ARHGEF26: variants seen among roughly 807,000 people sequenced by gnomAD.
ARHGEF26 encodes the protein Rho guanine nucleotide exchange factor (GEF) 26.
A neutral mutation model predicts 89.4 loss-of-function variants in ARHGEF26; 59 were observed. The observed-to-expected ratio is 0.66, with a 90% confidence interval of 0.54 to 0.82. The LOEUF is 0.82. Among genes scored for constraint, ARHGEF26 ranks in the 40% least tolerant of loss-of-function variants. ARHGEF26 has a pLI of 0.00. For missense variants in ARHGEF26, 1,234 were observed against 1,085.6 expected, an observed-to-expected ratio of 1.14 and a Z score of -1.92; for synonymous variants, 500 against 428.4, an observed-to-expected ratio of 1.17 and a Z score of -2.06.
At chr3:154,154,556 A>G (rs1713817) in intron 6 of ARHGEF26, among the ~76,000 whole-genome samples, 128,191 of 151,722 alleles carry the variant, frequency 0.84, 54,430 homozygotes, top group South Asian at 0.96. Context: ...TGTCCCCTCT[A>G]TCCTATTCTC....
At chr3:154,126,979 GTATC>G (rs1402431975) in intron 3 of ARHGEF26, among the ~76,000 whole-genome samples, 1 of 152,116 alleles carries the variant, frequency 6.6e-6, no homozygotes, top group Non-Finnish European at 1.5e-5. Context: ...TGATATTTGT[GTATC>G]TAAGCACAGG....
chr3:154,190,044 G>T (rs1713853045), intron 7 of ARHGEF26, among the ~76,000 whole-genome samples: 1 of 151,984 alleles, frequency 6.6e-6, no homozygotes, highest in Admixed American at 6.6e-5. Context: ...AAAAATGACT[G>T]CTATTGTCAC....
At position 154,256,240 on chromosome 3, in the gene ARHGEF26, T is replaced by C. The variant is rs13074879; in HGVS notation, c.*767T>C. The stretch of plus-strand genomic sequence containing the variant: ...AAACCTGAATATAGGACAGGGGTCC[T>C]ACTTTTTTCCCCACCTCTGTCGCCC... On this transcript the variant is annotated 3_prime_UTR_variant, in exon 15 of 15. Coordinates refer to ENST00000465093, the MANE Select transcript of ARHGEF26 (RefSeq NM_015595.4). 0.12 allele frequency: 118,516 copies of C among 985,076 alleles called. 8,880 individuals are homozygous for C. Among genetic ancestry groups the C allele is most frequent in the East Asian group, 0.38 (3,347 of 8,772 alleles). 61.0% of individuals were successfully genotyped at this position (985,076 alleles called of 1,614,324 possible).
intron 8 of ARHGEF26, among the ~76,000 whole-genome samples, chr3:154,191,739 A>C (rs1455374091): frequency 6.6e-6 from 1 of 152,222 alleles, no homozygotes; most frequent in African/African-American, 2.4e-5. Context: ...GCCATTAGGC[A>C]TGTGACCTTG....
chr3:154,180,041 T>C (rs186164217), intron 6 of ARHGEF26, among the ~76,000 whole-genome samples: 1 of 152,278 alleles, frequency 6.6e-6, no homozygotes, highest in Non-Finnish European at 1.5e-5. Context: ...TTTTGTATCG[T>C]GGCTTATGAA....
At chr3:154,208,156 T>G (rs1338328842) in intron 9 of ARHGEF26, among the ~76,000 whole-genome samples, 1 of 152,168 alleles carries the variant, frequency 6.6e-6, no homozygotes, top group African/African-American at 2.4e-5. Context: ...GGGCAATACT[T>G]GGGTGATGGG....
At chr3:154,159,220 CAG>C (rs1482418639) in intron 6 of ARHGEF26, among the ~76,000 whole-genome samples, 1 of 152,124 alleles carries the variant, frequency 6.6e-6, no homozygotes, top group East Asian at 1.9e-4. Context: ...TTTTCAATAA[CAG>C]AGTGTGCTGT....
intron 6 of ARHGEF26, among the ~76,000 whole-genome samples, chr3:154,170,346 G>A (rs1280443734): frequency 6.6e-6 from 1 of 152,178 alleles, no homozygotes; most frequent in East Asian, 1.9e-4. Context: ...CTGTGACAGA[G>A]TGAGAGCCTG....
At chr3:154,244,223 G>A (rs1321972664) in intron 12 of ARHGEF26, among the ~76,000 whole-genome samples, 1 of 152,142 alleles carries the variant, frequency 6.6e-6, no homozygotes, top group African/African-American at 2.4e-5. Flanking sequence ...AAAAACTGTT[G>A]TCACTAAAGG....
At chr3:154,238,922 G>A (rs186932323) in intron 11 of ARHGEF26, among the ~76,000 whole-genome samples, 4 of 152,140 alleles carry the variant, frequency 2.6e-5, no homozygotes, top group East Asian at 1.9e-4. Context: ...GGAATTAAGG[G>A]GGGGAGGCGG....
chr3:154,167,474 A>C (rs1712117153), intron 6 of ARHGEF26, among the ~76,000 whole-genome samples: 1 of 152,156 alleles, frequency 6.6e-6, no homozygotes, highest in Admixed American at 6.5e-5. Context: ...TCTTTATCAG[A>C]TGTTTTAATT....
chr3:154,242,228 C>T (rs1455414802), intron 12 of ARHGEF26, among the ~76,000 whole-genome samples: 1 of 152,094 alleles, frequency 6.6e-6, no homozygotes, highest in Non-Finnish European at 1.5e-5. Flanking sequence ...ACAGTGGTTC[C>T]TCTGATGGAT....
intron 4 of ARHGEF26, among the ~76,000 whole-genome samples, chr3:154,134,871 T>A (rs1718909272): frequency 1.3e-5 from 2 of 152,186 alleles, no homozygotes; most frequent in African/African-American, 4.8e-5. Flanking sequence ...GTTTATATGA[T>A]GAATAATATT....
At chr3:154,163,451 T>A (rs1250568719) in intron 6 of ARHGEF26, among the ~76,000 whole-genome samples, 1 of 152,180 alleles carries the variant, frequency 6.6e-6, no homozygotes, top group Non-Finnish European at 1.5e-5. Context: ...TGGCATAGAC[T>A]GTTTGTTCAA....
intron 9 of ARHGEF26, among the ~76,000 whole-genome samples, chr3:154,208,279 G>T (rs1440879294): frequency 6.6e-6 from 1 of 152,064 alleles, no homozygotes; most frequent in African/African-American, 2.4e-5. Context: ...ACAAAAACTG[G>T]GCTCAAGTGA....
At chr3:154,223,802 A>G (rs1241322865) in intron 10 of ARHGEF26, among the ~76,000 whole-genome samples, 4 of 152,176 alleles carry the variant, frequency 2.6e-5, no homozygotes, top group African/African-American at 4.8e-5. Context: ...CATACTAGAA[A>G]CCACTGTATT....
intron 6 of ARHGEF26, among the ~76,000 whole-genome samples, chr3:154,186,165 A>ACACACACT (rs766757043): frequency 3.5e-4 from 53 of 150,138 alleles, no homozygotes; most frequent in Non-Finnish European, 4.4e-5. Flanking sequence ...ACACACACAC[A>ACACACACT]CCCCTATACA....
intron 9 of ARHGEF26, among the ~76,000 whole-genome samples, chr3:154,216,869 A>C (rs1426531327): frequency 1.3e-4 from 10 of 77,902 alleles, no homozygotes; most frequent in South Asian, 6.1e-4. Context: ...TGAACTCATC[A>C]TTTTTTATGG....
intron 6 of ARHGEF26, among the ~76,000 whole-genome samples, chr3:154,179,345 CTT>C (rs1249127899): frequency 1.3e-5 from 2 of 152,212 alleles, no homozygotes; most frequent in Non-Finnish European, 2.9e-5. Context: ...TCTCACCTCT[CTT>C]CTCCCTTTTC....
Sources: gnomAD v4.1 joint callset for allele counts (sites outside exome capture counted in the v4.1 genomes callset) on GRCh38, gnomAD v4.1.1 for gene constraint, MANE v1.5 for transcripts, NCBI Gene and HGNC (gene_info 2026-07-23, HGNC 2026-07-21) for gene names.